AGBL4: variants seen among roughly 807,000 people sequenced by gnomAD.
AGBL4 encodes the protein AGBL carboxypeptidase 4.
Under a neutral mutation model 66.4 loss-of-function variants are expected in AGBL4, and 58 were observed. That is an observed-to-expected ratio of 0.87 (90% CI 0.71 to 1.09). AGBL4 has a LOEUF of 1.09. AGBL4 is among the 50% of genes least tolerant of loss of function. The probability of loss-of-function intolerance (pLI) is 0.00; values close to 1 mark genes in which losing one functional copy is unlikely to be tolerated. For synonymous variants in AGBL4, 234 were observed against 222.9 expected (o/e 1.05, Z -0.44); for missense variants, 579 against 631.0 (o/e 0.92, Z 0.88).
rs368832524 is a variant in AGBL4 at position 49,878,713 on chromosome 1, G to A, written c.35-27195C>T. Among the ~76,000 whole-genome samples the A allele has an allele frequency of 9.3e-3, 1,404 of 150,648 alleles. 17 individuals are homozygous for A. Among genetic ancestry groups the A allele is most frequent in the African/African-American group, 0.032 (1,289 of 40,452 alleles). Reference sequence around the variant, plus strand: ...GAGCTGAGTTCAATTCCTGGGTATCGTTGTTGACTTTCTGTCTCGTTGATC... The same window carrying A: ...GAGCTGAGTTCAATTCCTGGGTATCATTGTTGACTTTCTGTCTCGTTGATC... On this transcript the variant is annotated intron_variant, in intron 1 of 13. Coordinates refer to ENST00000371839, the MANE Select transcript of AGBL4 (RefSeq NM_032785.4).
In AGBL4 at chr1:48,653,381, G is replaced by A. The variant is rs1431306142; in HGVS notation, c.795C>T (p.Ile265=). The A allele has an allele frequency of 9.4e-6, 15 of 1,588,228 alleles. No individual in the cohort carries two copies. In the South Asian group the frequency reaches 1.0e-4, roughly 11 times the overall value. ...CTCCATCAGGATTGAGCATTGGTGC[G>A]ATCTTGAAGACCAGGTATTCCCGGA... ...CVLREYLVFK[I]APMLNPDGVY... The change falls in exon 8 of 14, where the codon ATC becomes ATT. Residue 265 remains isoleucine, a synonymous_variant. Coordinates refer to ENST00000371839, the MANE Select transcript of AGBL4 (RefSeq NM_032785.4).
At chr1:49,392,213 G>A (rs1247580735) in intron 3 of AGBL4, among the ~76,000 whole-genome samples, 3 of 152,124 alleles carry the variant, frequency 2.0e-5, no homozygotes, top group Admixed American at 2.0e-4. Context: ...CCACATTATG[G>A]CTAATTATAG....
chr1:49,893,557 CT>C (rs758787944), intron 1 of AGBL4, among the ~76,000 whole-genome samples: 3 of 152,128 alleles, frequency 2.0e-5, no homozygotes, highest in Non-Finnish European at 4.4e-5. Context: ...GCCCTTGGGC[CT>C]TAAGCGAACA....
chr1:48,614,924 A>G (rs555903205), intron 9 of AGBL4, among the ~76,000 whole-genome samples: 7 of 152,318 alleles, frequency 4.6e-5, no homozygotes, highest in African/African-American at 1.4e-4. Context: ...TAGAAAATAA[A>G]TGATATACAA....
intron 3 of AGBL4, among the ~76,000 whole-genome samples, chr1:49,484,915 T>A (rs1425071348): frequency 2.0e-5 from 3 of 151,788 alleles, no homozygotes; most frequent in Non-Finnish European, 4.4e-5. Flanking sequence ...TTTAAAAATC[T>A]TTATAAATGT....
intron 3 of AGBL4, among the ~76,000 whole-genome samples, chr1:49,387,335 GCTCTTTCT>G (rs1644755821): frequency 4.6e-5 from 7 of 151,694 alleles, no homozygotes; most frequent in Admixed American, 3.3e-4. Context: ...TAACCCTTAT[GCTCTTTCT>G]AAAAGAAGCT....
At chr1:48,753,278 A>G (rs1652043435) in intron 6 of AGBL4, among the ~76,000 whole-genome samples, 1 of 152,228 alleles carries the variant, frequency 6.6e-6, no homozygotes, top group Non-Finnish European at 1.5e-5. Context: ...TACCTAGAGG[A>G]GAAAACAGAC....
At chr1:49,461,661 T>A in intron 3 of AGBL4, among the ~76,000 whole-genome samples, 1 of 116,486 alleles carries the variant, frequency 8.6e-6, no homozygotes, top group East Asian at 3.0e-4. Context: ...GATGTTCCCC[T>A]CCCTGTGTCC....
At chr1:49,937,348 T>G (rs1654183037) in intron 1 of AGBL4, among the ~76,000 whole-genome samples, 1 of 151,928 alleles carries the variant, frequency 6.6e-6, no homozygotes, top group African/African-American at 2.4e-5. Context: ...AGCAAGTCCT[T>G]AGAGACCTAC....
rs1475362059 is a variant in AGBL4, at chr1:49,121,610, G to T, written c.378-75810C>A. Among the ~76,000 whole-genome samples the T allele has an allele frequency of 3.3e-5, 5 of 152,176 alleles. No homozygotes were observed. In the South Asian group the frequency reaches 1.0e-3, roughly 32 times the overall value. ...CTCAGAGAGGCAGCAACCTATATGAGGTGTCTGTCGGCCCCTACTGGGAGG... is the reference window on the plus strand; with the variant it reads ...CTCAGAGAGGCAGCAACCTATATGATGTGTCTGTCGGCCCCTACTGGGAGG... On this transcript the variant is annotated intron_variant, in intron 4 of 13. Coordinates refer to ENST00000371839, the MANE Select transcript of AGBL4 (RefSeq NM_032785.4).
At chr1:49,367,426 G>A (rs1195103585) in intron 3 of AGBL4, among the ~76,000 whole-genome samples, 5 of 152,164 alleles carry the variant, frequency 3.3e-5, no homozygotes, top group Admixed American at 2.0e-4. Flanking sequence ...TGCCATAAGT[G>A]TAAGCTTCCT....
intron 1 of AGBL4, among the ~76,000 whole-genome samples, chr1:49,935,023 G>C (rs1321526522): frequency 6.6e-6 from 1 of 152,358 alleles, no homozygotes; most frequent in Non-Finnish European, 1.5e-5. Flanking sequence ...GTCAAAGCAG[G>C]GCAAGGCATT....
intron 4 of AGBL4, among the ~76,000 whole-genome samples, chr1:49,234,801 T>G (rs2148304589): frequency 6.6e-6 from 1 of 152,268 alleles, no homozygotes; most frequent in South Asian, 2.1e-4. Context: ...ACTAGAAAGG[T>G]TGATCACCCT....
chr1:49,336,601 A>G (rs1489693209), intron 3 of AGBL4, among the ~76,000 whole-genome samples: 5 of 152,192 alleles, frequency 3.3e-5, no homozygotes, highest in Non-Finnish European at 4.4e-5. Context: ...AATCCCTTAG[A>G]TCTTTCTAAA....
chr1:49,970,271 G>C (rs1308768322), intron 1 of AGBL4, among the ~76,000 whole-genome samples: 1 of 151,950 alleles, frequency 6.6e-6, no homozygotes. Flanking sequence ...AAACCAAAAA[G>C]CTCCTGAACA....
At chr1:49,935,738 G>A (rs1295726709) in intron 1 of AGBL4, among the ~76,000 whole-genome samples, 3 of 152,154 alleles carry the variant, frequency 2.0e-5, no homozygotes, top group African/African-American at 7.2e-5. Context: ...GTCTGGAGTG[G>A]ACCTCTAGCA....
At chr1:49,615,116 ATCTATAGC>A (rs1645226581) in intron 3 of AGBL4, among the ~76,000 whole-genome samples, 1 of 152,054 alleles carries the variant, frequency 6.6e-6, no homozygotes, top group Admixed American at 6.6e-5. Context: ...ATACATCCTA[ATCTATAGC>A]TCTTTTCACT....
At chr1:49,277,027 G>GA (rs979964038) in intron 3 of AGBL4, among the ~76,000 whole-genome samples, 77 of 149,276 alleles carry the variant, frequency 5.2e-4, no homozygotes, top group African/African-American at 1.3e-3. Context: ...AAACCATGCA[G>GA]AAAAAAAAGA....
chr1:48,624,906 G>A (rs998506505), intron 9 of AGBL4, among the ~76,000 whole-genome samples: 3 of 152,088 alleles, frequency 2.0e-5, no homozygotes, highest in South Asian at 2.1e-4. Flanking sequence ...GTGTGTGTGT[G>A]TGTGTGTGTG....
Sources: gnomAD v4.1 joint callset for allele counts (sites outside exome capture counted in the v4.1 genomes callset) on GRCh38, gnomAD v4.1.1 for gene constraint, MANE v1.5 for transcripts, NCBI Gene and HGNC (gene_info 2026-07-23, HGNC 2026-07-21) for gene names.